Variants in NOSIP observed in about 807,000 individuals in gnomAD.
NOSIP encodes nitric oxide synthase interacting protein, also known as nitric oxide synthase-interacting protein.
Under a neutral mutation model 36.4 loss-of-function variants are expected in NOSIP, and 25 were observed. The observed-to-expected ratio is 0.69, with a 90% CI of 0.50 to 0.96. NOSIP has a LOEUF of 0.96. NOSIP is among the 40% of genes least tolerant of loss of function. The pLI is 0.00. For missense variants in NOSIP, 370 were observed against 429.0 expected (o/e 0.86, Z 1.21); for synonymous variants, 187 against 179.2 (o/e 1.04, Z -0.35).
intron 1 of NOSIP, among the ~76,000 whole-genome samples, chr19:49,571,845 T>C (rs951759150): frequency 6.6e-5 from 10 of 151,516 alleles, no homozygotes; most frequent in Non-Finnish European, 1.3e-4. Flanking sequence ...ATTAGCTGGG[T>C]GTGTTGGTGC....
chr19:49,568,809 TG>T (rs200660249), intron 1 of NOSIP, among the ~76,000 whole-genome samples: 10,677 of 139,020 alleles, frequency 0.077, 1,853 homozygotes, highest in African/African-American at 0.25. Context: ...TTTGTTTGTT[TG>T]TTTTTTTTTT....
At chr19:49,577,739 T>C (rs537347941) in intron 1 of NOSIP, among the ~76,000 whole-genome samples, 9 of 119,704 alleles carry the variant, frequency 7.5e-5, no homozygotes, top group Non-Finnish European at 1.3e-4. Context: ...CACTCCAGCC[T>C]GGGTAACAGA....
In NOSIP at chr19:49,560,007, G is replaced by A. The variant is rs1247128038; in HGVS notation, c.103C>T (p.Leu35=). 6.2e-7 allele frequency: 1 copy of A among 1,613,820 alleles called. No individual in the cohort carries two copies. The highest frequency in any genetic ancestry group is 8.5e-7 in the Non-Finnish European group (1 of 1,179,898). ...ASGYGTQNIR[L]SRDAVKDFDC... Reference sequence around the variant, plus strand: ...AAGTCCTTCACGGCATCCCGGCTCAGTCGAATGTTCTGGGTCCCATAGCCC... The same window carrying A: ...AAGTCCTTCACGGCATCCCGGCTCAATCGAATGTTCTGGGTCCCATAGCCC... Residue 35 remains leucine (L), a synonymous_variant, in exon 3 of 9, where the codon CTG becomes TTG. Coordinates refer to ENST00000596358, the MANE Select transcript of NOSIP (RefSeq NM_001270960.2). The surrounding 1 kb of genome is among the most constrained non-coding windows in gnomAD (Gnocchi z 4.6).
intron 1 of NOSIP, among the ~76,000 whole-genome samples, chr19:49,567,122 C>CTTT (rs1234750784): frequency 4.6e-5 from 5 of 108,334 alleles, no homozygotes; most frequent in East Asian, 2.9e-4. Flanking sequence ...AGCCAAAAAA[C>CTTT]TTTTTTTTTT....
intron 1 of NOSIP, among the ~76,000 whole-genome samples, chr19:49,575,163 T>C (rs1336552523): frequency 1.3e-5 from 2 of 152,070 alleles, no homozygotes; most frequent in Non-Finnish European, 2.9e-5. Flanking sequence ...GCGCCCGGCC[T>C]CATTTTTGTA....
chr19:49,567,130 T>C (rs1185638907), intron 1 of NOSIP, among the ~76,000 whole-genome samples: 1 of 140,446 alleles, frequency 7.1e-6, no homozygotes, highest in African/African-American at 2.7e-5. Flanking sequence ...AACTTTTTTT[T>C]TTTTTTTTTT....
intron 8 of NOSIP, 61 bp downstream of exon 8, chr19:49,556,256 G>T: frequency 2.1e-6 from 2 of 969,222 alleles, no homozygotes; most frequent in Non-Finnish European, 3.0e-6. Flanking sequence ...GCCTTGGAGG[G>T]GGTGAAGGGG....
In NOSIP at chr19:49,560,518, G is replaced by A; in HGVS notation, c.70+104C>T. ...TCATGGCCATCAGTGTATATCGGGG[G>A]CGGGAGAGAGACAGGGACAGAGGAA... On this transcript the variant is annotated intron_variant, in intron 2 of 8. Coordinates refer to ENST00000596358, the MANE Select transcript of NOSIP (RefSeq NM_001270960.2). This position sits in a 1 kb window ranked among gnomAD's most constrained non-coding sequence, Gnocchi z 4.6. The A allele has an allele frequency of 1.2e-6, 1 of 826,582 alleles. No individual in the cohort carries two copies. The highest frequency in any genetic ancestry group is 2.7e-5 in the East Asian group (1 of 37,648). The allele number at this position is 826,582 out of a possible 1,614,324, so 51.2% of individuals were successfully genotyped here.
At chr19:49,573,855 G>GTTTTT (rs1296154860) in intron 1 of NOSIP, among the ~76,000 whole-genome samples, 1 of 147,344 alleles carries the variant, frequency 6.8e-6, no homozygotes, top group African/African-American at 2.5e-5. Flanking sequence ...CAGGACTGAA[G>GTTTTT]TATTTTTTTT....
At chr19:49,577,767 G>GAAAAAAAAAA (rs61302412) in intron 1 of NOSIP, among the ~76,000 whole-genome samples, 1 of 121,684 alleles carries the variant, frequency 8.2e-6, no homozygotes, top group Non-Finnish European at 1.6e-5. Flanking sequence ...CGTGTCTCGG[G>GAAAAAAAAAA]AAAAAAAAAA....
chr19:49,560,202 G>T lies in NOSIP; in HGVS notation c.71-163C>A. On this transcript the variant is annotated intron_variant, in intron 2 of 8. Coordinates refer to ENST00000596358, the MANE Select transcript of NOSIP (RefSeq NM_001270960.2). The surrounding 1 kb of genome is among the most constrained non-coding windows in gnomAD (Gnocchi z 4.6). ...CGCTGCCTGTGTGCTGGGGCCACGG[G>T]CTGAACCCACAGGGAGTTGTCAACC... The T allele has an allele frequency of 1.6e-6, 1 of 606,252 alleles. No individual in the cohort carries two copies. 37.6% of individuals were successfully genotyped at this position (606,252 alleles called of 1,614,324 possible).
chr19:49,575,865 C>T (rs934464923), intron 1 of NOSIP, among the ~76,000 whole-genome samples: 3 of 152,236 alleles, frequency 2.0e-5, no homozygotes, highest in African/African-American at 7.2e-5. Context: ...GGCGCAGTGG[C>T]TCACGCCTGT....
Position 49,560,927 on chromosome 19 carries a change from CTCTT to C in NOSIP, c.-1-239_-1-236del, listed in dbSNP as rs2080325593. On this transcript the variant is annotated intron_variant, in intron 1 of 8. Coordinates refer to ENST00000596358, the MANE Select transcript of NOSIP (RefSeq NM_001270960.2). This position sits in a 1 kb window ranked among gnomAD's most constrained non-coding sequence, Gnocchi z 4.6. Reference sequence around the variant, plus strand: ...GAAAATAGCACCTTTAACAACAAAACTCTTTGTTTGGAGGTAAGAGGGTGAGAGA... The same window carrying C: ...GAAAATAGCACCTTTAACAACAAAACTGTTTGGAGGTAAGAGGGTGAGAGA... Among the ~76,000 whole-genome samples, 1 of 152,142 alleles carries C rather than the reference CTCTT, an allele frequency of 6.6e-6. No homozygotes were observed. The highest frequency in any genetic ancestry group is 2.4e-5 in the African/African-American group (1 of 41,436).
rs1325919534 is a variant in NOSIP at position 49,560,085 on chromosome 19, A to G, written c.71-46T>C. On this transcript the variant is annotated intron_variant, in intron 2 of 8. Coordinates refer to ENST00000596358, the MANE Select transcript of NOSIP (RefSeq NM_001270960.2). This position sits in a 1 kb window ranked among gnomAD's most constrained non-coding sequence, Gnocchi z 4.6. ...AGTGATGGAGGGGCGGAGCAACAGG[A>G]GACATGTCCGTCTCCAAAGCCCCAG... is the stretch of plus-strand genomic sequence containing the variant. 7.5e-7 allele frequency: 1 copy of G among 1,326,528 alleles called. No individual in the cohort carries two copies. Among genetic ancestry groups the G allele is most frequent in the South Asian group, 1.2e-5 (1 of 80,418 alleles). 82.2% of individuals were successfully genotyped at this position (1,326,528 alleles called of 1,614,324 possible).
chr19:49,558,840 G>T, intron 4 of NOSIP, 57 bp downstream of exon 4: 2 of 1,390,794 alleles, frequency 1.4e-6, no homozygotes, highest in Non-Finnish European at 2.0e-6. Context: ...CTCTGCCTGT[G>T]AGCTCAGACT....
intron 4 of NOSIP, chr19:49,558,091 A>T: frequency 4.9e-6 from 1 of 203,688 alleles, no homozygotes. Flanking sequence ...ATGGAAGGCC[A>T]GGCCGGGTTC....
At chr19:49,565,266 C>G (rs992442523) in intron 1 of NOSIP, among the ~76,000 whole-genome samples, 6 of 144,974 alleles carry the variant, frequency 4.1e-5, no homozygotes, top group Admixed American at 1.4e-4. Flanking sequence ...GAGTGAGACC[C>G]TGTCTCAAAA....
chr19:49,571,053 T>A (rs2080477141), intron 1 of NOSIP, among the ~76,000 whole-genome samples: 1 of 150,936 alleles, frequency 6.6e-6, no homozygotes, highest in Admixed American at 6.6e-5. Context: ...CTCGGCTCAC[T>A]GCAACCTCCA....
In NOSIP at chr19:49,560,024, C is replaced by G; in HGVS notation, c.86G>C (p.Gly29Ala). Reference protein sequence around the residue: ...KKKDTAASGYGTQNIRLSRDA... With the variant: ...KKKDTAASGYATQNIRLSRDA... ...CCGGCTCAGTCGAATGTTCTGGGTC[C>G]CATAGCCCGAGGCCGCTGGGGACAG... The change falls in exon 3 of 9, where the codon GGG (glycine) becomes GCG (alanine). Residue 29 changes from glycine (G) to alanine (A), a missense_variant. Gly to Ala is a moderately conservative substitution (Grantham distance 60). This residue lies in a region of NOSIP where 37 missense variants were observed against 60.2 expected (regional missense o/e 0.61). Coordinates refer to ENST00000596358, the MANE Select transcript of NOSIP (RefSeq NM_001270960.2). This position sits in a 1 kb window ranked among gnomAD's most constrained non-coding sequence, Gnocchi z 4.6. 1 of 1,613,512 alleles carries G rather than the reference C, an allele frequency of 6.2e-7. No individual in the cohort carries two copies. Among genetic ancestry groups the G allele is most frequent in the Non-Finnish European group, 8.5e-7 (1 of 1,179,620 alleles).
Sources: allele counts gnomAD v4.1 joint callset (sites outside exome capture counted in the v4.1 genomes callset), GRCh38; gene constraint gnomAD v4.1.1; regional missense constraint gnomAD v4.1.1; non-coding constraint Gnocchi (gnomAD v3.1); transcripts MANE v1.5; gene names NCBI Gene and HGNC (gene_info 2026-07-23, HGNC 2026-07-21).